The following KLF7 variants were observed in gnomAD, a reference collection of about 807,000 sequenced individuals.
KLF7 encodes Krueppel-like factor 7.
In KLF7, 2 loss-of-function variants were observed where a neutral mutation model predicts 27.3. The observed-to-expected ratio is 0.07, with a 90% confidence interval of 0.03 to 0.23. KLF7 has a LOEUF of 0.23. Among genes scored for constraint, KLF7 ranks in the 10% least tolerant of loss-of-function variants. KLF7 has a pLI of 1.00. For synonymous variants in KLF7, 165 were observed against 162.4 expected (o/e 1.02, Z -0.12); for missense variants, 221 against 394.1 (o/e 0.56, Z 3.72).
At chr2:207,166,785 G>C, upstream of KLF7, 1 of 994,532 alleles carries the variant, frequency 1.0e-6, no homozygotes, top group South Asian at 4.7e-5. Flanking sequence ...GGCATCCAGG[G>C]CCCCTTCCCG....
intron 2 of KLF7, among the ~76,000 whole-genome samples, chr2:207,118,870 A>T (rs982774236): frequency 3.9e-5 from 6 of 152,206 alleles, no homozygotes; most frequent in Non-Finnish European, 7.3e-5. Context: ...TTGCCTTTTG[A>T]ATGCTACACT....
chr2:207,130,419 A>C (rs769225140), intron 1 of KLF7, among the ~76,000 whole-genome samples: 1 of 152,244 alleles, frequency 6.6e-6, no homozygotes, highest in African/African-American at 2.4e-5. Flanking sequence ...TATTAAGATC[A>C]TGATTTTAAA....
chr2:207,079,382 A>C lies in KLF7; in HGVS notation c.*1831T>G, dbSNP rs936021227. 1 of 152,200 alleles carries C rather than the reference A, an allele frequency of 6.6e-6. No homozygotes were observed. Among genetic ancestry groups the C allele is most frequent in the African/African-American group, 2.4e-5 (1 of 41,446 alleles). 9.4% of individuals were successfully genotyped at this position (152,200 alleles called of 1,614,324 possible). A position where few individuals can be genotyped will look rare whatever the true frequency, so the allele number is the denominator to read the frequency against. On this transcript the variant is annotated 3_prime_UTR_variant, in exon 4 of 4. Transcript: ENST00000309446. Reference sequence around the variant, plus strand: ...GGCATTTTAACAGTCAATGAGTCAAACAGTCAAAGGAGGACAGGAGGGGAG... The same window carrying C: ...GGCATTTTAACAGTCAATGAGTCAACCAGTCAAAGGAGGACAGGAGGGGAG...
rs1165747744 is a variant in KLF7 at position 207,114,864 on chromosome 2, C to A, written c.733+8910G>T. Among the ~76,000 whole-genome samples, 5 of 152,232 alleles carry A rather than the reference C, an allele frequency of 3.3e-5. No individual in the cohort carries two copies. In the East Asian group the frequency reaches 7.7e-4, roughly 24 times the overall value. On this transcript the variant is annotated intron_variant, in intron 2 of 3. Transcript: ENST00000309446. ...TTGATAGCTTTTATCATTTTTAGCT[C>A]ATCTAGTGAAACAGATAAAACTATG... is the stretch of plus-strand genomic sequence containing the variant.
At chr2:207,145,831 C>T (rs1450996395) in intron 1 of KLF7, among the ~76,000 whole-genome samples, 2 of 151,956 alleles carry the variant, frequency 1.3e-5, no homozygotes, top group Admixed American at 6.5e-5. Flanking sequence ...GTGGGGCACA[C>T]AGAAGGACCC....
intron 1 of KLF7, chr2:207,149,283 G>T: frequency 1.7e-6 from 1 of 581,166 alleles, no homozygotes; most frequent in Non-Finnish European, 2.8e-6. Context: ...CTCTGCCTTT[G>T]TCTTCTAGAC....
chr2:207,145,444 G>T (rs1025678008), intron 1 of KLF7, among the ~76,000 whole-genome samples: 1 of 152,142 alleles, frequency 6.6e-6, no homozygotes, highest in African/African-American at 2.4e-5. Context: ...GAAAATTACA[G>T]GTAGATACAT....
At chr2:207,104,545 C>A (rs941977250) in intron 2 of KLF7, among the ~76,000 whole-genome samples, 2 of 152,186 alleles carry the variant, frequency 1.3e-5, no homozygotes, top group Admixed American at 6.5e-5. Context: ...CTGGGCACTA[C>A]AGAACCTAAG....
chr2:207,088,361 C>T (rs2076437817), intron 3 of KLF7, 97 bp downstream of exon 3: 1 of 1,407,274 alleles, frequency 7.1e-7, no homozygotes, highest in Admixed American at 1.9e-5. Context: ...GTCTGTGAGT[C>T]AGACCTGTGA....
chr2:207,167,448 T>G (rs1436400350), upstream of KLF7, among the ~76,000 whole-genome samples: 1 of 152,216 alleles, frequency 6.6e-6, no homozygotes, highest in Non-Finnish European at 1.5e-5. Context: ...ATCACCCTCC[T>G]TGTCTTTCCC....
chr2:207,131,055 T>C (rs569459242), intron 1 of KLF7, among the ~76,000 whole-genome samples: 1 of 152,252 alleles, frequency 6.6e-6, no homozygotes, highest in South Asian at 2.1e-4. Flanking sequence ...ACAAAGAGAT[T>C]AAACAAATTG....
At chr2:207,094,841 A>C (rs1403666918) in intron 2 of KLF7, among the ~76,000 whole-genome samples, 1 of 151,966 alleles carries the variant, frequency 6.6e-6, no homozygotes, top group African/African-American at 2.4e-5. Context: ...GAAAATAAAA[A>C]TTCTTTTATA....
rs2076215403 is a variant in KLF7, at chr2:207,078,568, C to A, written c.*2645G>T. The A allele has an allele frequency of 6.6e-6, 1 of 152,232 alleles. No homozygotes were observed. Among genetic ancestry groups the A allele is most frequent in the African/African-American group, 2.4e-5 (1 of 41,454 alleles). The allele number at this position is 152,232 out of a possible 1,614,324, so 9.4% of individuals were successfully genotyped here. On this transcript the variant is annotated 3_prime_UTR_variant, in exon 4 of 4. Transcript: ENST00000309446. Reference sequence around the variant, plus strand: ...AGCATTCGAGAGGCAAGAGCAGCTCCAGCTTGGGAGAGAACATTTGCAAAT... The same window carrying A: ...AGCATTCGAGAGGCAAGAGCAGCTCAAGCTTGGGAGAGAACATTTGCAAAT...
At chr2:207,111,470 A>G (rs1271151448) in intron 2 of KLF7, among the ~76,000 whole-genome samples, 1 of 152,156 alleles carries the variant, frequency 6.6e-6, no homozygotes, top group African/African-American at 2.4e-5. Flanking sequence ...AATTCACACA[A>G]AAGCATATTG....
chr2:207,149,846 T>C (rs2078193589), intron 1 of KLF7, among the ~76,000 whole-genome samples: 1 of 152,202 alleles, frequency 6.6e-6, no homozygotes, highest in Non-Finnish European at 1.5e-5. Flanking sequence ...AAGAGCAACA[T>C]ACTGCTCTGT....
chr2:207,082,822 G>C (rs996308313), intron 3 of KLF7, among the ~76,000 whole-genome samples: 1 of 152,140 alleles, frequency 6.6e-6, no homozygotes, highest in African/African-American at 2.4e-5. Context: ...CCCTATGTTT[G>C]TTCATTCTTA....
rs191899717 is a variant in KLF7, at chr2:207,155,345, A to G, written c.102+10122T>C. Among the ~76,000 whole-genome samples the G allele has an allele frequency of 3.3e-3, 506 of 152,266 alleles. 1 individual carries two copies. The highest frequency in any genetic ancestry group is 0.012 in the African/African-American group (484 of 41,538). ...GAGGGAAGAGAAAATTTATTCCACC[A>G]ATGGTTTTTTGCAACTCATTTGCTT... On this transcript the variant is annotated intron_variant, in intron 1 of 3. Transcript: ENST00000309446.
chr2:207,100,559 T>A (rs1444711178), intron 2 of KLF7, among the ~76,000 whole-genome samples: 1 of 152,166 alleles, frequency 6.6e-6, no homozygotes, highest in Non-Finnish European at 1.5e-5. Context: ...ACTTCTTACA[T>A]AACCCTCTAG....
At chr2:207,142,118 C>T (rs1469574155) in intron 1 of KLF7, among the ~76,000 whole-genome samples, 2 of 152,088 alleles carry the variant, frequency 1.3e-5, no homozygotes, top group African/African-American at 4.8e-5. Flanking sequence ...TGGCACCAAG[C>T]TTTAAACTTC....
Sources: allele counts gnomAD v4.1 joint callset (sites outside exome capture counted in the v4.1 genomes callset), GRCh38; gene constraint gnomAD v4.1.1; transcripts MANE v1.5; gene names NCBI Gene and HGNC (gene_info 2026-07-23, HGNC 2026-07-21).